Variants in RORA observed in about 807,000 individuals in gnomAD.
RORA encodes RAR related orphan receptor A, also known as nuclear receptor ROR-alpha.
Under a neutral mutation model 69.5 loss-of-function variants are expected in RORA, and 7 were observed. The ratio of observed to expected loss-of-function variants is 0.10; its 90% confidence interval spans 0.06 to 0.19. The LOEUF (loss-of-function observed/expected upper bound fraction) is 0.19. RORA is among the 10% of genes least tolerant of loss of function. The pLI is 1.00. For missense variants in RORA, 457 were observed against 663.0 expected, an observed-to-expected ratio of 0.69 and a Z score of 3.41; for synonymous variants, 261 against 240.8, an observed-to-expected ratio of 1.08 and a Z score of -0.78.
chr15:60,883,140 A>AAAAC (rs1471585968), intron 1 of RORA, among the ~76,000 whole-genome samples: 2 of 88,236 alleles, frequency 2.3e-5, no homozygotes, highest in African/African-American at 8.9e-5. Context: ...CAAAAAAAAA[A>AAAAC]AAAAAAAAAA....
At chr15:60,894,090 C>A (rs1891159974) in intron 1 of RORA, among the ~76,000 whole-genome samples, 1 of 152,132 alleles carries the variant, frequency 6.6e-6, no homozygotes, top group Admixed American at 6.5e-5. Flanking sequence ...GAAGCCATGT[C>A]ATGGCTGCCC....
Position 61,006,522 on chromosome 15 carries a change from G to A in RORA, c.166+222531C>T, listed in dbSNP as rs907441596. 2.6e-5 allele frequency among the ~76,000 whole-genome samples: 4 copies of A among 152,128 alleles called. No homozygotes were observed. In the South Asian group the frequency reaches 6.2e-4, roughly 24 times the overall value. ...GGAAAAGTCTGCCCATGTGCCCTGG[G>A]AAAGGTCACTTGACTCCATGAAGTG... is the stretch of plus-strand genomic sequence containing the variant. On this transcript the variant is annotated intron_variant, in intron 1 of 10. Coordinates refer to ENST00000335670, the MANE Select transcript of RORA (RefSeq NM_134261.3).
chr15:60,522,990 A>G (rs563900758), intron 3 of RORA, among the ~76,000 whole-genome samples: 1 of 150,408 alleles, frequency 6.6e-6, no homozygotes, highest in South Asian at 2.1e-4. Context: ...GTGAGCCGAG[A>G]TCACACCACT....
In RORA at chr15:60,912,473, C is replaced by T. The variant is rs138947632; in HGVS notation, c.167-233787G>A. Among the ~76,000 whole-genome samples the T allele has an allele frequency of 6.9e-3, 1,050 of 151,898 alleles. 17 individuals are homozygous for T. The highest frequency in any genetic ancestry group is 0.024 in the African/African-American group (992 of 41,464). ...CAAAAAAACAAAAAAATCACCACCT[C>T]GCCGGGCATGGTGGCTCACACCTGC... is the stretch of plus-strand genomic sequence containing the variant. On this transcript the variant is annotated intron_variant, in intron 1 of 10. Coordinates refer to ENST00000335670, the MANE Select transcript of RORA (RefSeq NM_134261.3).
At chr15:60,914,562 G>A (rs1290553841) in intron 1 of RORA, among the ~76,000 whole-genome samples, 2 of 152,194 alleles carry the variant, frequency 1.3e-5, no homozygotes, top group African/African-American at 2.4e-5. Flanking sequence ...CACACAGAAC[G>A]CAGTAAATAT....
chr15:60,536,145 G>A (rs16942725), intron 2 of RORA, among the ~76,000 whole-genome samples: 7,232 of 152,114 alleles, frequency 0.048, 611 homozygotes, highest in African/African-American at 0.17. Context: ...TCTTAAGGCC[G>A]GGCAGATTAC....
chr15:61,125,035 A>C (rs1447888514), intron 1 of RORA, among the ~76,000 whole-genome samples: 1 of 152,132 alleles, frequency 6.6e-6, no homozygotes, highest in East Asian at 1.9e-4. Flanking sequence ...GATCAATTGG[A>C]TTTTTTCAAA....
At chr15:60,660,591 A>G (rs2070289188) in intron 2 of RORA, among the ~76,000 whole-genome samples, 1 of 152,196 alleles carries the variant, frequency 6.6e-6, no homozygotes, top group African/African-American at 2.4e-5. Flanking sequence ...CAGAGCTAAG[A>G]GCCTCAAACT....
intron 1 of RORA, among the ~76,000 whole-genome samples, chr15:60,933,862 C>T (rs536159308): frequency 2.4e-4 from 37 of 152,290 alleles, no homozygotes; most frequent in African/African-American, 8.9e-4. Flanking sequence ...TTCTGTTGGC[C>T]ATGAAATGTC....
intron 1 of RORA, among the ~76,000 whole-genome samples, chr15:60,702,104 A>C (rs2070990256): frequency 6.6e-6 from 1 of 152,214 alleles, no homozygotes; most frequent in Non-Finnish European, 1.5e-5. Flanking sequence ...TGAGGCTGGG[A>C]TCAGTGCTTA....
intron 1 of RORA, among the ~76,000 whole-genome samples, chr15:60,785,503 A>G (rs934869452): frequency 3.3e-5 from 5 of 152,268 alleles, no homozygotes; most frequent in African/African-American, 1.2e-4. Flanking sequence ...ATTCTTTTGA[A>G]CAGATTCATC....
At chr15:60,869,669 A>G (rs150609261) in intron 1 of RORA, among the ~76,000 whole-genome samples, 57 of 152,344 alleles carry the variant, frequency 3.7e-4, no homozygotes, top group Non-Finnish European at 6.9e-4. Context: ...GCTGCTCTCA[A>G]GTAATGGCTT....
At chr15:60,834,005 T>G (rs2073082410) in intron 1 of RORA, among the ~76,000 whole-genome samples, 3 of 152,240 alleles carry the variant, frequency 2.0e-5, no homozygotes, top group Admixed American at 1.3e-4. Flanking sequence ...CTTCAGAAGC[T>G]ATCCTTTCTC....
intron 1 of RORA, among the ~76,000 whole-genome samples, chr15:60,842,765 G>C (rs74019632): frequency 0.012 from 1,764 of 151,434 alleles, 26 homozygotes; most frequent in African/African-American, 0.041. Flanking sequence ...GGTGCCTGGG[G>C]CAGAGGAGCT....
In RORA at chr15:60,933,779, C is replaced by A. The variant is rs186734122; in HGVS notation, c.167-255093G>T. On this transcript the variant is annotated intron_variant, in intron 1 of 10. Coordinates refer to ENST00000335670, the MANE Select transcript of RORA (RefSeq NM_134261.3). ...TGGTATTTCATACCAGAGGTGGCTG[C>A]ACATCAGTAATAAAAACCAGCCCAG... Among the ~76,000 whole-genome samples, 480 of 152,280 alleles carry A rather than the reference C, an allele frequency of 3.2e-3. 4 individuals carry two copies. Among genetic ancestry groups the A allele is most frequent in the African/African-American group, 0.011 (444 of 41,560 alleles).
At chr15:61,012,498 G>A (rs529400976) in intron 1 of RORA, among the ~76,000 whole-genome samples, 2 of 152,148 alleles carry the variant, frequency 1.3e-5, no homozygotes, top group South Asian at 2.1e-4. Context: ...TCTCTCCCAG[G>A]GAAAGGAAAA....
intron 1 of RORA, among the ~76,000 whole-genome samples, chr15:60,929,600 G>C (rs1161493605): frequency 6.6e-6 from 1 of 152,214 alleles, no homozygotes; most frequent in Admixed American, 6.5e-5. Context: ...TCAGTCTGGA[G>C]GCTCCAGTCG....
At chr15:60,518,896 T>A (rs4775277) in intron 3 of RORA, among the ~76,000 whole-genome samples, 6,660 of 152,304 alleles carry the variant, frequency 0.044, 500 homozygotes, top group African/African-American at 0.15. Context: ...ATCGTCGTTT[T>A]GCTTTCCTCG....
intron 2 of RORA, among the ~76,000 whole-genome samples, chr15:60,616,578 G>A (rs1030487606): frequency 1.5e-4 from 23 of 152,226 alleles, no homozygotes; most frequent in African/African-American, 5.3e-4. Flanking sequence ...GGGGGAAGTT[G>A]TGAAGAATTC....
Sources: allele counts gnomAD v4.1 joint callset (sites outside exome capture counted in the v4.1 genomes callset), GRCh38; gene constraint gnomAD v4.1.1; transcripts MANE v1.5; gene names NCBI Gene and HGNC (gene_info 2026-07-23, HGNC 2026-07-21).